AGBL4: variants seen among roughly 807,000 people sequenced by gnomAD.
The protein encoded by AGBL4 is cytosolic carboxypeptidase 6.
A neutral mutation model predicts 66.4 loss-of-function variants in AGBL4; 58 were observed. The ratio of observed to expected loss-of-function variants is 0.87; its 90% CI spans 0.71 to 1.09. The LOEUF is 1.09. AGBL4 is among the 50% of genes least tolerant of loss of function. The pLI, the probability that AGBL4 is intolerant of heterozygous loss-of-function variation, is 0.00. For synonymous variants in AGBL4, 234 were observed against 222.9 expected (o/e 1.05, Z -0.44); for missense variants, 579 against 631.0 (o/e 0.92, Z 0.88).
intron 3 of AGBL4, among the ~76,000 whole-genome samples, chr1:49,439,204 C>A (rs796272913): frequency 3.3e-5 from 5 of 152,174 alleles, no homozygotes; most frequent in African/African-American, 1.2e-4. Context: ...TAAAAGAAAG[C>A]AAGGAAAGGC....
At chr1:49,909,768 C>T (rs1650633275) in intron 1 of AGBL4, among the ~76,000 whole-genome samples, 1 of 152,180 alleles carries the variant, frequency 6.6e-6, no homozygotes, top group Admixed American at 6.5e-5. Flanking sequence ...AACATCAGGA[C>T]TCATTCATCA....
chr1:48,616,991 C>T (rs116814529), intron 9 of AGBL4, among the ~76,000 whole-genome samples: 1 of 152,054 alleles, frequency 6.6e-6, no homozygotes, highest in Non-Finnish European at 1.5e-5. Context: ...CTCTCTACCC[C>T]CAAAGCACAT....
chr1:49,484,782 C>T (rs889783248), intron 3 of AGBL4, among the ~76,000 whole-genome samples: 1 of 151,848 alleles, frequency 6.6e-6, no homozygotes, highest in Non-Finnish European at 1.5e-5. Flanking sequence ...AGGATAAAAG[C>T]TTGAGGGGAT....
intron 3 of AGBL4, among the ~76,000 whole-genome samples, chr1:49,599,019 A>G (rs1039469156): frequency 6.6e-6 from 1 of 151,922 alleles, no homozygotes; most frequent in Non-Finnish European, 1.5e-5. Flanking sequence ...TTTATTGAGG[A>G]TTTTCGCATC....
At chr1:49,889,991 A>C (rs987475180) in intron 1 of AGBL4, among the ~76,000 whole-genome samples, 4 of 152,182 alleles carry the variant, frequency 2.6e-5, no homozygotes, top group Admixed American at 2.6e-4. Context: ...TGAAAATTAC[A>C]CGTATTGAAC....
intron 2 of AGBL4, among the ~76,000 whole-genome samples, chr1:49,837,337 G>A (rs1349206863): frequency 6.6e-6 from 1 of 152,166 alleles, no homozygotes; most frequent in Non-Finnish European, 1.5e-5. Context: ...CAAACTTCCT[G>A]GCAGCTTTGT....
chr1:49,972,237 T>C (rs1038700598), intron 1 of AGBL4, among the ~76,000 whole-genome samples: 2 of 152,002 alleles, frequency 1.3e-5, no homozygotes, highest in Non-Finnish European at 2.9e-5. Flanking sequence ...ATGCATATAT[T>C]GCCTAGTGGT....
chr1:48,591,014 A>T, intron 9 of AGBL4, 29 bp from the exon 10 acceptor site: 1 of 1,586,848 alleles, frequency 6.3e-7, no homozygotes, highest in Non-Finnish European at 8.6e-7. Flanking sequence ...ACAAATGAGA[A>T]GTCTGGGCTG....
At chr1:48,671,313 C>A (rs888863629) in intron 6 of AGBL4, among the ~76,000 whole-genome samples, 6 of 152,272 alleles carry the variant, frequency 3.9e-5, no homozygotes, top group Non-Finnish European at 7.3e-5. Context: ...TTTTCTTACA[C>A]TGACCACATG....
At chr1:48,819,115 A>T (rs546950085) in intron 6 of AGBL4, among the ~76,000 whole-genome samples, 1 of 152,314 alleles carries the variant, frequency 6.6e-6, no homozygotes, top group South Asian at 2.1e-4. Flanking sequence ...TTTCTCCTAA[A>T]TCAGCCTGGG....
chr1:49,954,458 C>A (rs1656424849), intron 1 of AGBL4, among the ~76,000 whole-genome samples: 1 of 151,962 alleles, frequency 6.6e-6, no homozygotes, highest in Non-Finnish European at 1.5e-5. Context: ...CTCTTTCCCA[C>A]CATATTCTTG....
rs571175729 is a variant in AGBL4 at position 48,666,810 on chromosome 1, C to T, written c.635-3569G>A. 2.8e-4 allele frequency among the ~76,000 whole-genome samples: 42 copies of T among 152,318 alleles called. 1 individual carries two copies. Among genetic ancestry groups the T allele is most frequent in the African/African-American group, 1.0e-3 (42 of 41,570 alleles). ...TCTAGGAAGGAGGACAATATCATCC[C>T]ATTGCAATAGCAATTAAGTAATATT... On this transcript the variant is annotated intron_variant, in intron 6 of 13. Coordinates refer to ENST00000371839, the MANE Select transcript of AGBL4 (RefSeq NM_032785.4).
At chr1:48,896,835 A>T (rs1306421922) in intron 5 of AGBL4, among the ~76,000 whole-genome samples, 1 of 152,160 alleles carries the variant, frequency 6.6e-6, no homozygotes, top group African/African-American at 2.4e-5. Flanking sequence ...ATACTTGAAA[A>T]AAAGCAGCTT....
rs555942509 is a variant in AGBL4, at chr1:48,605,438, C to T, written c.952-14453G>A. ...CTCATTTTGTTCCCTCAGGCAGGAA[C>T]ACCTTGCCCTGCCCAGCCTTCCTCC... is the stretch of plus-strand genomic sequence containing the variant. On this transcript the variant is annotated intron_variant, in intron 9 of 13. Coordinates refer to ENST00000371839, the MANE Select transcript of AGBL4 (RefSeq NM_032785.4). Among the ~76,000 whole-genome samples, 5 of 152,328 alleles carry T rather than the reference C, an allele frequency of 3.3e-5. No homozygotes were observed. In the South Asian group the frequency reaches 1.0e-3, roughly 32 times the overall value.
At chr1:48,721,748 C>T (rs1647153365) in intron 6 of AGBL4, among the ~76,000 whole-genome samples, 1 of 152,252 alleles carries the variant, frequency 6.6e-6, no homozygotes, top group Non-Finnish European at 1.5e-5. Context: ...CTTTCCAGCA[C>T]TGGGACTGAG....
intron 3 of AGBL4, among the ~76,000 whole-genome samples, chr1:49,362,126 T>C (rs1161301743): frequency 6.6e-6 from 1 of 152,162 alleles, no homozygotes; most frequent in African/African-American, 2.4e-5. Context: ...ACAAGTACTA[T>C]GATCTCATAT....
chr1:49,697,875 C>A (rs950901180), intron 2 of AGBL4, among the ~76,000 whole-genome samples: 2 of 152,108 alleles, frequency 1.3e-5, no homozygotes, highest in African/African-American at 4.8e-5. Context: ...TTACAACAGG[C>A]ATATATGGTT....
intron 4 of AGBL4, among the ~76,000 whole-genome samples, chr1:49,185,158 C>T (rs1646993008): frequency 6.6e-6 from 1 of 152,100 alleles, no homozygotes; most frequent in Non-Finnish European, 1.5e-5. Flanking sequence ...TTTCTTAGTC[C>T]ATATTGTGTT....
chr1:49,473,912 G>A (rs1167924651), intron 3 of AGBL4, among the ~76,000 whole-genome samples: 1 of 151,972 alleles, frequency 6.6e-6, no homozygotes, highest in African/African-American at 2.4e-5. Context: ...GTTTATTTTT[G>A]TAAACTTTGT....
Sources: allele counts gnomAD v4.1 joint callset (sites outside exome capture counted in the v4.1 genomes callset), GRCh38; gene constraint gnomAD v4.1.1; transcripts MANE v1.5; gene names NCBI Gene and HGNC (gene_info 2026-07-23, HGNC 2026-07-21).